The following CSMD2 variants were observed in gnomAD, a reference collection of about 807,000 sequenced individuals.
CSMD2 encodes the protein CUB and sushi domain-containing protein 2.
A neutral mutation model predicts 398.5 loss-of-function variants in CSMD2; 130 were observed. That is an observed-to-expected ratio of 0.33 (90% CI 0.28 to 0.38). The LOEUF (loss-of-function observed/expected upper bound fraction) is 0.38. CSMD2 is among the 10% of genes least tolerant of loss of function. CSMD2 has a pLI of 1.00. For missense variants in CSMD2, 3,829 were observed against 4,764.9 expected, an observed-to-expected ratio of 0.80 and a Z score of 5.78; for synonymous variants, 1,828 against 1,908.5, an observed-to-expected ratio of 0.96 and a Z score of 1.10.
intron 5 of CSMD2, among the ~76,000 whole-genome samples, chr1:33,886,390 A>T (rs1641596473): frequency 6.6e-6 from 1 of 152,156 alleles, no homozygotes; most frequent in African/African-American, 2.4e-5. Context: ...AGAAAGGGAA[A>T]AATTGGAAAG....
At chr1:33,983,293 C>T (rs1646235742) in intron 3 of CSMD2, among the ~76,000 whole-genome samples, 1 of 152,298 alleles carries the variant, frequency 6.6e-6, no homozygotes, top group East Asian at 1.9e-4. Flanking sequence ...TGGCCTCATG[C>T]TCAAGGATGT....
chr1:33,710,739 T>G (rs1475197610), intron 21 of CSMD2, among the ~76,000 whole-genome samples: 1 of 119,758 alleles, frequency 8.4e-6, no homozygotes, highest in African/African-American at 3.4e-5. Context: ...TGAGGCAGCA[T>G]AGATGGAGAA....
intron 25 of CSMD2, among the ~76,000 whole-genome samples, chr1:33,673,252 A>T (rs930682038): frequency 6.6e-6 from 1 of 152,258 alleles, no homozygotes; most frequent in Non-Finnish European, 1.5e-5. Context: ...TAACCAATTC[A>T]GAGAAGTCCT....
chr1:34,024,166 A>G (rs985697884), intron 3 of CSMD2, among the ~76,000 whole-genome samples: 4 of 152,192 alleles, frequency 2.6e-5, no homozygotes, highest in African/African-American at 9.7e-5. Flanking sequence ...AGCTCCTTGA[A>G]TGTAGGGGCC....
intron 19 of CSMD2, among the ~76,000 whole-genome samples, chr1:33,721,516 T>G (rs1231518529): frequency 2.6e-5 from 4 of 152,206 alleles, no homozygotes; most frequent in Non-Finnish European, 5.9e-5. Flanking sequence ...GTTGTTTCTC[T>G]AGGGATCGTG....
upstream of CSMD2, chr1:34,165,271 T>C: frequency 8.4e-7 from 1 of 1,186,664 alleles, no homozygotes; most frequent in Non-Finnish European, 1.0e-6. Context: ...CGCGCTGCGC[T>C]CTCGGAAATG....
chr1:33,895,635 G>A (rs1474962630), intron 5 of CSMD2, among the ~76,000 whole-genome samples: 1 of 152,170 alleles, frequency 6.6e-6, no homozygotes, highest in African/African-American at 2.4e-5. Context: ...GGAGAGGCAG[G>A]GGGACTTGGT....
chr1:33,620,932 T>C (rs1460658164), intron 37 of CSMD2, among the ~76,000 whole-genome samples: 1 of 151,540 alleles, frequency 6.6e-6, no homozygotes, highest in Non-Finnish European at 1.5e-5. Flanking sequence ...CAGACCCAGA[T>C]GGGCATGTGC....
intron 42 of CSMD2, among the ~76,000 whole-genome samples, chr1:33,604,344 T>C (rs1640438625): frequency 1.3e-5 from 2 of 152,238 alleles, no homozygotes; most frequent in African/African-American, 4.8e-5. Flanking sequence ...ATCATGGTTT[T>C]ACATTCCAAC....
chr1:34,061,057 C>A (rs752610090), intron 2 of CSMD2, among the ~76,000 whole-genome samples: 9 of 152,176 alleles, frequency 5.9e-5, no homozygotes, highest in Non-Finnish European at 1.2e-4. Context: ...CTTCCCAACC[C>A]CTGCAGCAAG....
chr1:34,134,753 G>C (rs1333798514), intron 1 of CSMD2, among the ~76,000 whole-genome samples: 1 of 152,168 alleles, frequency 6.6e-6, no homozygotes, highest in African/African-American at 2.4e-5. Context: ...CAATGCCATA[G>C]AAAACAAGCA....
rs1159847377 is a variant in CSMD2 at position 33,668,844 on chromosome 1, G to A, written c.4053-5752C>T. On this transcript the variant is annotated intron_variant, in intron 25 of 70. Coordinates refer to ENST00000373381, the MANE Select transcript of CSMD2 (RefSeq NM_001281956.2). Reference sequence around the variant, plus strand: ...AAGCATGTTGCATGTCAAGCTCTGTGTTGAGAGCTGCAGAAATGTGCAAGG... The same window carrying A: ...AAGCATGTTGCATGTCAAGCTCTGTATTGAGAGCTGCAGAAATGTGCAAGG... Among the ~76,000 whole-genome samples, 3 of 152,224 alleles carry A rather than the reference G, an allele frequency of 2.0e-5. No individual in the cohort carries two copies. In the East Asian group the frequency reaches 5.8e-4, roughly 29 times the overall value.
intron 2 of CSMD2, among the ~76,000 whole-genome samples, chr1:34,047,761 G>T (rs1266131012): frequency 2.0e-5 from 3 of 152,168 alleles, no homozygotes; most frequent in Non-Finnish European, 4.4e-5. Flanking sequence ...CATCCAAAGG[G>T]CATGGCGGGC....
At chr1:33,714,306 C>T (rs138967762) in intron 21 of CSMD2, among the ~76,000 whole-genome samples, 25 of 152,308 alleles carry the variant, frequency 1.6e-4, no homozygotes, top group African/African-American at 5.8e-4. Context: ...GTACTGAAAT[C>T]GACTTCATGT....
chr1:34,074,352 G>A (rs574084275), intron 2 of CSMD2, among the ~76,000 whole-genome samples: 135 of 152,206 alleles, frequency 8.9e-4, no homozygotes, highest in African/African-American at 3.1e-3. Context: ...GAAATGTATC[G>A]AGCTCCTCAG....
intron 1 of CSMD2, among the ~76,000 whole-genome samples, chr1:34,107,569 G>C (rs9700218): frequency 0.032 from 4,940 of 152,214 alleles, 131 homozygotes; most frequent in African/African-American, 0.066. Context: ...ATCAACCCCA[G>C]GCAATCTGGT....
chr1:34,106,177 G>T (rs150518008), intron 1 of CSMD2, among the ~76,000 whole-genome samples: 4 of 152,228 alleles, frequency 2.6e-5, no homozygotes, highest in Non-Finnish European at 5.9e-5. Flanking sequence ...GATTGTAGGA[G>T]ACAGACATGG....
rs367653229 is a variant in CSMD2 at position 33,556,882 on chromosome 1, T to C, written c.8743+852A>G. ...ATGTGAAGAAGGACATGTTTGCTTC[T>C]CCTTCCACCATGATTGTAAGTTTCC... is the stretch of plus-strand genomic sequence containing the variant. On this transcript the variant is annotated intron_variant, in intron 55 of 70. Transcript: ENST00000373381. 7.9e-5 allele frequency among the ~76,000 whole-genome samples: 12 copies of C among 152,272 alleles called. No homozygotes were observed. The East Asian group carries it at 1.4e-3, about 17-fold the overall frequency.
intron 15 of CSMD2, among the ~76,000 whole-genome samples, chr1:33,733,970 T>C (rs756625171): frequency 2.0e-5 from 3 of 152,194 alleles, no homozygotes; most frequent in African/African-American, 4.8e-5. Context: ...TTTGGGAACG[T>C]CAACTCACCT....
Sources: gnomAD v4.1 joint callset for allele counts (sites outside exome capture counted in the v4.1 genomes callset) on GRCh38, gnomAD v4.1.1 for gene constraint, MANE v1.5 for transcripts, NCBI Gene and HGNC (gene_info 2026-07-23, HGNC 2026-07-21) for gene names.